Variants in CPSF6 observed in about 807,000 individuals in gnomAD.
The protein encoded by CPSF6 is cleavage and polyadenylation specificity factor subunit 6.
A neutral mutation model predicts 56.7 loss-of-function variants in CPSF6; 10 were observed. The observed-to-expected ratio is 0.18, with a 90% CI of 0.11 to 0.30. The LOEUF (loss-of-function observed/expected upper bound fraction) is 0.30, where lower values mean the gene tolerates loss of function less well. Ranked by LOEUF, CPSF6 falls within the 10% of genes least tolerant of loss-of-function variation. The pLI is 1.00. For missense variants in CPSF6, 419 were observed against 722.9 expected, an observed-to-expected ratio of 0.58 and a Z score of 4.82; for synonymous variants, 248 against 244.8, an observed-to-expected ratio of 1.01 and a Z score of -0.12.
intron 4 of CPSF6, 130 bp from the exon 5 acceptor site, chr12:69,257,602 T>G (rs541706765): frequency 1.3e-6 from 1 of 764,290 alleles, no homozygotes. Context: ...TACTTTCTTA[T>G]GTAGTTTGCA....
chr12:69,243,825 A>G (rs1871749232), intron 1 of CPSF6, among the ~76,000 whole-genome samples: 1 of 152,178 alleles, frequency 6.6e-6, no homozygotes, highest in African/African-American at 2.4e-5. Context: ...TCAATAATAC[A>G]TGAGCTTACT....
In CPSF6 at chr12:69,258,258, C is replaced by G; in HGVS notation, c.695-332C>G. ...AGATCATTTTTCCTTGTTTCACTTT[C>G]TAGCTTGGCATCAGAGTAGAATATA... On this transcript the variant is annotated intron_variant, in intron 5 of 9. Transcript: ENST00000435070. This position sits in a 1 kb window ranked among gnomAD's most constrained non-coding sequence, Gnocchi z 4.2. The G allele has an allele frequency of 1.4e-6, 1 of 706,390 alleles. No individual in the cohort carries two copies. The highest frequency in any genetic ancestry group is 2.3e-6 in the Non-Finnish European group (1 of 431,236). 43.8% of individuals were successfully genotyped at this position (706,390 alleles called of 1,614,324 possible).
At chr12:69,243,013 A>T (rs1175085221) in intron 1 of CPSF6, among the ~76,000 whole-genome samples, 1 of 152,120 alleles carries the variant, frequency 6.6e-6, no homozygotes. Flanking sequence ...TAAGCTAAGC[A>T]GGAGAATCGC....
intron 3 of CPSF6, chr12:69,255,226 T>C (rs1330018596): frequency 1.3e-5 from 2 of 152,258 alleles, no homozygotes; most frequent in Non-Finnish European, 2.9e-5. Flanking sequence ...CATTTCTTTT[T>C]ATGGCTGAGT....
At chr12:69,246,636 G>A (rs1001999640) in intron 1 of CPSF6, among the ~76,000 whole-genome samples, 1 of 152,112 alleles carries the variant, frequency 6.6e-6, no homozygotes, top group Admixed American at 6.5e-5. Flanking sequence ...GTATGCATTA[G>A]GTTATCTGCT....
rs1592817345 is a variant in CPSF6, at chr12:69,272,686, T to G, written c.*3178T>G. The G allele has an allele frequency of 6.6e-6, 1 of 152,040 alleles. No homozygotes were observed. The highest frequency in any genetic ancestry group is 1.9e-4 in the East Asian group (1 of 5,180). 9.4% of individuals were successfully genotyped at this position (152,040 alleles called of 1,614,324 possible). A position where few individuals can be genotyped will look rare whatever the true frequency, so the allele number is the denominator to read the frequency against. The stretch of plus-strand genomic sequence containing the variant: ...GAATACAGTATTGAGATTCTCTGTT[T>G]TACAGATAACAACTGGTTTTTATTA... On this transcript the variant is annotated 3_prime_UTR_variant, in exon 10 of 10. Transcript: ENST00000435070.
At chr12:69,267,184 A>G (rs1026549658) in intron 9 of CPSF6, among the ~76,000 whole-genome samples, 3 of 152,052 alleles carry the variant, frequency 2.0e-5, no homozygotes, top group Non-Finnish European at 4.4e-5. Flanking sequence ...TGCCCTGTCA[A>G]GTATTTATTT....
rs1220288721 is a variant in CPSF6, at chr12:69,262,494, C to CACCGGGATCGTG, written c.1596_1607dup (p.Asp537_Arg540dup). The stretch of plus-strand genomic sequence containing the variant: ...AGAGAGAAGCAGAGAACGAGAGAGG[C>CACCGGGATCGTG]ACCGGGATCGTGACCGAGACCGTGA... On this transcript the variant is annotated inframe_insertion, in exon 9 of 10. Transcript: ENST00000435070. 6.2e-7 allele frequency: 1 copy of CACCGGGATCGTG among 1,613,996 alleles called. No individual in the cohort carries two copies. The highest frequency in any genetic ancestry group is 8.5e-7 in the Non-Finnish European group (1 of 1,179,916).
At position 69,262,433 on chromosome 12, in the gene CPSF6, A is replaced by G. The variant is rs1188846807; in HGVS notation, c.1530A>G (p.Lys510=). Residue 510 remains lysine, a synonymous_variant, in exon 9 of 10, where the codon AAA becomes AAG. Transcript: ENST00000435070. ...CACGAGAAAAGAGTCGACGTCATAAATCCCGTAGTAGAGACCGTCATGACG... is the reference window on the plus strand; with the variant it reads ...CACGAGAAAAGAGTCGACGTCATAAGTCCCGTAGTAGAGACCGTCATGACG... ...SRSREKSRRH[K]SRSRDRHDDY... 1 of 1,613,258 alleles carries G rather than the reference A, an allele frequency of 6.2e-7. No individual in the cohort carries two copies. The highest frequency in any genetic ancestry group is 8.5e-7 in the Non-Finnish European group (1 of 1,179,418).
At chr12:69,247,874 T>C (rs929062778) in intron 1 of CPSF6, among the ~76,000 whole-genome samples, 1 of 152,222 alleles carries the variant, frequency 6.6e-6, no homozygotes, top group Non-Finnish European at 1.5e-5. Context: ...TGTATTCAGA[T>C]TCATTATGTT....
At position 69,267,404 on chromosome 12, in the gene CPSF6, T is replaced by C. The variant is rs534598997; in HGVS notation, c.*4-2108T>C. Among the ~76,000 whole-genome samples the C allele has an allele frequency of 2.0e-5, 3 of 151,722 alleles. No homozygotes were observed. The South Asian group carries it at 6.2e-4, about 32-fold the overall frequency. ...TTATTAAAAAGGTGTAGATTCCATT[T>C]ATCATCTTAGTTGTTTTAACATCTG... is the stretch of plus-strand genomic sequence containing the variant. On this transcript the variant is annotated intron_variant, in intron 9 of 9. Coordinates refer to ENST00000435070, the MANE Select transcript of CPSF6 (RefSeq NM_007007.3).
At chr12:69,261,143 G>A (rs1156981950) in intron 8 of CPSF6, among the ~76,000 whole-genome samples, 1 of 152,014 alleles carries the variant, frequency 6.6e-6, no homozygotes, top group Non-Finnish European at 1.5e-5. Context: ...TACTCTATCT[G>A]GTAGTAATCT....
At chr12:69,251,527 AGTTTTGT>A (rs776585597) in intron 2 of CPSF6, among the ~76,000 whole-genome samples, 189 bp downstream of exon 2, 24 of 151,822 alleles carry the variant, frequency 1.6e-4, no homozygotes, top group Admixed American at 2.6e-4. Context: ...TCTAGTTTTG[AGTTTTGT>A]GGTCATTCAA....
At position 69,260,185 on chromosome 12, in the gene CPSF6, G is replaced by A. The variant is rs1247466203; in HGVS notation, c.1457G>A (p.Gly486Asp). The A allele has an allele frequency of 6.3e-7, 1 of 1,598,790 alleles. No homozygotes were observed. The highest frequency in any genetic ancestry group is 8.5e-7 in the Non-Finnish European group (1 of 1,174,476). The change falls in exon 8 of 10, where the codon GGT (glycine) becomes GAT (aspartate). Residue 486 changes from glycine to aspartate, a missense_variant. This residue lies in a region of CPSF6 where 81 missense variants were observed against 193.6 expected (regional missense o/e 0.42). Transcript: ENST00000435070. Reference sequence around the variant, plus strand: ...CATGGAATTGAGTCCAAGTCTTATGGTTCTGGATCAAGGTAAAACTTTCCT... The same window carrying A: ...CATGGAATTGAGTCCAAGTCTTATGATTCTGGATCAAGGTAAAACTTTCCT... ...CLHGIESKSY[G>D]SGSRRERSRE...
At chr12:69,240,580 A>G (rs552586010) in intron 1 of CPSF6, among the ~76,000 whole-genome samples, 7 of 152,254 alleles carry the variant, frequency 4.6e-5, no homozygotes, top group African/African-American at 1.2e-4. Flanking sequence ...CACAGATCTC[A>G]TAGTGATTAA....
At chr12:69,246,451 C>T (rs1871910967) in intron 1 of CPSF6, among the ~76,000 whole-genome samples, 1 of 152,126 alleles carries the variant, frequency 6.6e-6, no homozygotes, top group South Asian at 2.1e-4. Flanking sequence ...TTTATGGGTG[C>T]AGTTAATTTA....
At position 69,251,348 on chromosome 12, in the gene CPSF6, G is replaced by A. The variant is rs769018336; in HGVS notation, c.270+10G>A. On this transcript the variant is annotated intron_variant, in intron 2 of 9. Transcript: ENST00000435070. ...TGGAAATCTAACATGGGTAAGTGAA[G>A]TTAATATAAGAATTAAATTATTGGT... 4.1e-6 allele frequency: 6 copies of A among 1,451,974 alleles called. No homozygotes were observed. In the Admixed American group the frequency reaches 1.0e-4, roughly 25 times the overall value. 89.9% of individuals were successfully genotyped at this position (1,451,974 alleles called of 1,614,324 possible).
chr12:69,252,278 T>G, intron 2 of CPSF6: 3 of 318,048 alleles, frequency 9.4e-6, no homozygotes, highest in South Asian at 7.5e-5. Flanking sequence ...AGCTGACTTC[T>G]TGCTATATTG....
At chr12:69,244,296 C>T (rs1203128469) in intron 1 of CPSF6, among the ~76,000 whole-genome samples, 9 of 152,066 alleles carry the variant, frequency 5.9e-5, no homozygotes, top group East Asian at 1.9e-4. Context: ...AGTGCAGTGG[C>T]GCGATCTTGG....
Sources: gnomAD v4.1 joint callset for allele counts (sites outside exome capture counted in the v4.1 genomes callset) on GRCh38, gnomAD v4.1.1 for gene constraint, gnomAD v4.1.1 regional missense constraint, Gnocchi (gnomAD v3.1) non-coding constraint, MANE v1.5 for transcripts, NCBI Gene and HGNC (gene_info 2026-07-23, HGNC 2026-07-21) for gene names.